Variants in SLC5A6 observed in about 807,000 individuals in gnomAD.
The protein encoded by SLC5A6 is sodium-dependent multivitamin transporter.
SLC5A6 carries 31 observed loss-of-function variants against 67.9 expected under a neutral mutation model. That is an observed-to-expected ratio of 0.46 (90% confidence interval 0.34 to 0.62). The LOEUF (loss-of-function observed/expected upper bound fraction) is 0.62, where lower values mean the gene tolerates loss of function less well. Ranked by LOEUF, SLC5A6 falls within the 20% of genes least tolerant of loss-of-function variation. The pLI is 0.01. For missense variants in SLC5A6, 673 were observed against 812.8 expected, an observed-to-expected ratio of 0.83 and a Z score of 2.09; for synonymous variants, 343 against 331.0, an observed-to-expected ratio of 1.04 and a Z score of -0.39.
chr2:27,206,151 C>T, intron 5 of SLC5A6, 58 bp from the exon 6 acceptor site: 1 of 1,441,026 alleles, frequency 6.9e-7, no homozygotes. Context: ...GGGGAGAAGC[C>T]CTGGTAGGGC....
In SLC5A6 at chr2:27,206,469, G is replaced by A. The variant is rs1674074073; in HGVS notation, c.511+14C>T. On this transcript the variant is annotated intron_variant, in intron 5 of 16. Coordinates refer to ENST00000310574, the MANE Select transcript of SLC5A6 (RefSeq NM_021095.4). ...CTACCACGGCTGAAAGCCAGGGGCT[G>A]TGTGACTCCTCACCTGCATTGAGAG... is the stretch of plus-strand genomic sequence containing the variant. 2 of 1,613,336 alleles carry A rather than the reference G, an allele frequency of 1.2e-6. No individual in the cohort carries two copies. Among genetic ancestry groups the A allele is most frequent in the East Asian group, 2.2e-5 (1 of 44,900 alleles).
intron 7 of SLC5A6, 86 bp from the exon 8 acceptor site, chr2:27,205,017 A>C: frequency 6.5e-7 from 1 of 1,531,784 alleles, no homozygotes; most frequent in Non-Finnish European, 8.9e-7. Flanking sequence ...AGTGGACAGG[A>C]AAGGAGAGAC....
intron 12 of SLC5A6, among the ~76,000 whole-genome samples, chr2:27,202,503 C>CAAAAAAAAA (rs10638396): frequency 2.8e-4 from 20 of 72,262 alleles, no homozygotes; most frequent in Non-Finnish European, 4.2e-4. Context: ...GACTCTGTCT[C>CAAAAAAAAA]AAAAAAAAAA....
At chr2:27,206,745 C>A in intron 4 of SLC5A6, 132 bp downstream of exon 4, 2 of 905,030 alleles carry the variant, frequency 2.2e-6, no homozygotes, top group South Asian at 1.4e-5. Context: ...GGGGTCCTCA[C>A]AGATGCTAAC....
chr2:27,205,102 G>C (rs2148005854), intron 7 of SLC5A6, 171 bp from the exon 8 acceptor site: 8 of 769,802 alleles, frequency 1.0e-5, no homozygotes, highest in African/African-American at 5.2e-5. Flanking sequence ...GCCAGTTAGA[G>C]GGAGGCTCCA....
chr2:27,201,488 C>T (rs370762620), intron 14 of SLC5A6, 35 bp from the exon 15 acceptor site: 116 of 1,483,910 alleles, frequency 7.8e-5, no homozygotes, highest in Non-Finnish European at 1.0e-4. Flanking sequence ...ATTAGCAATT[C>T]GTTGGCAGGG....
At chr2:27,203,926 T>C in intron 9 of SLC5A6, 59 bp from the exon 10 acceptor site, 1 of 1,300,730 alleles carries the variant, frequency 7.7e-7, no homozygotes, top group Non-Finnish European at 1.1e-6. Context: ...CAGGGCCGGC[T>C]CTGCAGGGAA....
chr2:27,202,086 G>C lies in SLC5A6; in HGVS notation c.1276-12C>G, dbSNP rs1001781069. 1.2e-6 allele frequency: 2 copies of C among 1,603,286 alleles called. No individual in the cohort carries two copies. The highest frequency in any genetic ancestry group is 2.7e-5 in the African/African-American group (2 of 74,734). ...ATGCTGATTGCTGCCTAGGAGGACA[G>C]GGTGAGAAGAAAAGGAAAAAGAACA... On this transcript the variant is annotated splice_polypyrimidine_tract_variant and intron_variant, in intron 12 of 16. Coordinates refer to ENST00000310574, the MANE Select transcript of SLC5A6 (RefSeq NM_021095.4).
Position 27,201,031 on chromosome 2 carries a change from A to G in SLC5A6, c.1731T>C (p.Cys577=). The change falls in exon 16 of 17, where the codon TGT becomes TGC. Residue 577 remains cysteine (C), a synonymous_variant. Coordinates refer to ENST00000310574, the MANE Select transcript of SLC5A6 (RefSeq NM_021095.4). Reference sequence around the variant, plus strand: ...AGCTCCTGCAGTGGAGCCGCTTCTGACAGGACAACGGAAGGAGGGACAGGA... The same window carrying G: ...AGCTCCTGCAGTGGAGCCGCTTCTGGCAGGACAACGGAAGGAGGGACAGGA... ...PKLLSLLPLS[C]QKRLHCRSYG... The G allele has an allele frequency of 6.2e-7, 1 of 1,613,742 alleles. No individual in the cohort carries two copies.
chr2:27,201,782 C>T lies in SLC5A6; in HGVS notation c.1428G>A (p.Val476=), dbSNP rs1188815628. ...GTGGCATGCTGGAGCCCATGCTGGT[C>T]ACGATGCTCCCGATGCCAATCCAGA... ...MAFWIGIGSI[V]TSMGSSMPPS... Residue 476 remains valine (V), a synonymous_variant, in exon 14 of 17, where the codon GTG becomes GTA. Coordinates refer to ENST00000310574, the MANE Select transcript of SLC5A6 (RefSeq NM_021095.4). 6 of 1,614,196 alleles carry T rather than the reference C, an allele frequency of 3.7e-6. No individual in the cohort carries two copies. In the Admixed American group the frequency reaches 6.7e-5, roughly 18 times the overall value.
At chr2:27,203,608 T>C (rs1431228508) in intron 10 of SLC5A6, among the ~76,000 whole-genome samples, 171 bp downstream of exon 10, 1 of 152,174 alleles carries the variant, frequency 6.6e-6, no homozygotes, top group Non-Finnish European at 1.5e-5. Context: ...GTATCTCTGT[T>C]GTGCTGTGGC....
rs561847747 is a variant in SLC5A6, at chr2:27,205,927, C to T, written c.579+99G>A. ...ACCCCAGAATTTCACCTATTCTCCT[C>T]ATCTATATTCTCAGCTTATCTCTTC... On this transcript the variant is annotated intron_variant, in intron 6 of 16. Coordinates refer to ENST00000310574, the MANE Select transcript of SLC5A6 (RefSeq NM_021095.4). 1.2e-4 allele frequency: 112 copies of T among 897,802 alleles called. 1 individual carries two copies. The East Asian group carries it at 2.7e-3, about 22-fold the overall frequency. 55.6% of individuals were successfully genotyped at this position (897,802 alleles called of 1,614,324 possible). A position where few individuals can be genotyped will look rare whatever the true frequency, so the allele number is the denominator to read the frequency against.
chr2:27,210,972 C>G (rs571779790), intron 2 of SLC5A6, among the ~76,000 whole-genome samples: 2 of 152,108 alleles, frequency 1.3e-5, no homozygotes, highest in South Asian at 2.1e-4. Context: ...TGCAGTGAGC[C>G]GAGATCGCGC....
At chr2:27,212,402 C>A (rs981369967), upstream of SLC5A6, 1 of 1,551,784 alleles carries the variant, frequency 6.4e-7, no homozygotes, top group East Asian at 2.4e-5. Context: ...TCTTACGACC[C>A]TGGTGCCCTG....
Position 27,202,888 on chromosome 2 carries a change from A to G in SLC5A6, c.1208-8T>C, listed in dbSNP as rs2147996401. On this transcript the variant is annotated splice_polypyrimidine_tract_variant and splice_region_variant and intron_variant, in intron 11 of 16. Transcript: ENST00000310574. Reference sequence around the variant, plus strand: ...GCAGCCCATAGCCAAAGGCTGGGGGAAAAGGACAGGAGAGGAAACAAGAAG... The same window carrying G: ...GCAGCCCATAGCCAAAGGCTGGGGGGAAAGGACAGGAGAGGAAACAAGAAG... 1.2e-6 allele frequency: 2 copies of G among 1,612,852 alleles called. No homozygotes were observed. Among genetic ancestry groups the G allele is most frequent in the Non-Finnish European group, 1.7e-6 (2 of 1,179,448 alleles).
intron 1 of SLC5A6, 74 bp downstream of exon 1, chr2:27,211,946 T>G (rs548557718): frequency 4.4e-6 from 2 of 449,862 alleles, no homozygotes; most frequent in Non-Finnish European, 7.7e-6. Context: ...CCGAGAGCCC[T>G]GGCCGGGAGC....
intron 7 of SLC5A6, 109 bp from the exon 8 acceptor site, chr2:27,205,040 G>T: frequency 1.5e-6 from 2 of 1,304,150 alleles, no homozygotes; most frequent in Non-Finnish European, 1.1e-6. Context: ...CACTGCTAGG[G>T]CCAAGGGGGA....
chr2:27,200,033 T>G lies in SLC5A6; in HGVS notation c.*403A>C, dbSNP rs886768751. 18 of 157,832 alleles carry G rather than the reference T, an allele frequency of 1.1e-4. No homozygotes were observed. Among genetic ancestry groups the G allele is most frequent in the Non-Finnish European group, 2.8e-5 (2 of 71,598 alleles). The allele number at this position is 157,832 out of a possible 1,614,324, so 9.8% of individuals were successfully genotyped here. A position where few individuals can be genotyped will look rare whatever the true frequency, so the allele number is the denominator to read the frequency against. Reference sequence around the variant, plus strand: ...ACTACAGGGGAAGCAGCTTCCAGTTTTATGGTGGAGAGTCAGTCCTGAATC... The same window carrying G: ...ACTACAGGGGAAGCAGCTTCCAGTTGTATGGTGGAGAGTCAGTCCTGAATC... On this transcript the variant is annotated 3_prime_UTR_variant, in exon 17 of 17. Transcript: ENST00000310574.
At position 27,207,897 on chromosome 2, in the gene SLC5A6, T is replaced by C. The variant is rs1674191862; in HGVS notation, c.-140-107A>G. On this transcript the variant is annotated intron_variant, in intron 2 of 16. Coordinates refer to ENST00000310574, the MANE Select transcript of SLC5A6 (RefSeq NM_021095.4). This position sits in a 1 kb window ranked among gnomAD's most constrained non-coding sequence, Gnocchi z 5.5. Reference sequence around the variant, plus strand: ...AGAAGTGGACCAGCCAGCATAGTGGTAGCCCTTCAAGGTCTAGAGGCCCTG... The same window carrying C: ...AGAAGTGGACCAGCCAGCATAGTGGCAGCCCTTCAAGGTCTAGAGGCCCTG... The C allele has an allele frequency of 3.7e-6, 2 of 543,890 alleles. No homozygotes were observed. Among genetic ancestry groups the C allele is most frequent in the Non-Finnish European group, 3.3e-6 (1 of 306,112 alleles). 33.7% of individuals were successfully genotyped at this position (543,890 alleles called of 1,614,324 possible).
Sources: gnomAD v4.1 joint callset for allele counts (sites outside exome capture counted in the v4.1 genomes callset) on GRCh38, gnomAD v4.1.1 for gene constraint, Gnocchi (gnomAD v3.1) non-coding constraint, MANE v1.5 for transcripts, NCBI Gene and HGNC (gene_info 2026-07-23, HGNC 2026-07-21) for gene names.